EXT1: variants seen among roughly 807,000 people sequenced by gnomAD.
The protein encoded by EXT1 is exostosin glycosyltransferase 1.
In EXT1, 20 loss-of-function variants were observed where a neutral mutation model predicts 82.5. The observed-to-expected ratio is 0.24, with a 90% CI of 0.17 to 0.35. The LOEUF (loss-of-function observed/expected upper bound fraction) is 0.35, where lower values mean the gene tolerates loss of function less well. Among genes scored for constraint, EXT1 ranks in the 10% least tolerant of loss-of-function variants. The pLI is 1.00. For synonymous variants in EXT1, 348 were observed against 350.8 expected (o/e 0.99, Z 0.09); for missense variants, 757 against 936.5 (o/e 0.81, Z 2.50).
chr8:117,880,876 C>G (rs1375310139), intron 1 of EXT1, among the ~76,000 whole-genome samples: 2 of 152,176 alleles, frequency 1.3e-5, no homozygotes, highest in African/African-American at 4.8e-5. Flanking sequence ...CAGGTGTGAG[C>G]CACCGTGCCC....
At chr8:117,873,881 T>C (rs1357092478) in intron 1 of EXT1, among the ~76,000 whole-genome samples, 2 of 152,270 alleles carry the variant, frequency 1.3e-5, no homozygotes, top group African/African-American at 4.8e-5. Flanking sequence ...TTGGTATTTC[T>C]AGTTTGTTTG....
At position 117,830,332 on chromosome 8, in the gene EXT1, C is replaced by T. The variant is rs1563573755; in HGVS notation, c.1182G>A (p.Arg394=). The stretch of plus-strand genomic sequence containing the variant: ...CTAGGATTTTATCCTGATGAATAGA[C>T]CTGATTGTAGAAGGAATCTGTAACA... ...RLLLQIPSTI[R]SIHQDKILAL... is the part of the protein sequence containing the mutation. Residue 394 remains arginine, a synonymous_variant, in exon 4 of 11, where the codon AGG becomes AGA. Coordinates refer to ENST00000378204, the MANE Select transcript of EXT1 (RefSeq NM_000127.3). 3 of 1,613,966 alleles carry T rather than the reference C, an allele frequency of 1.9e-6. No individual in the cohort carries two copies. The highest frequency in any genetic ancestry group is 1.1e-5 in the South Asian group (1 of 91,080).
intron 1 of EXT1, among the ~76,000 whole-genome samples, chr8:118,029,032 G>A (rs1384642285): frequency 6.6e-6 from 1 of 152,162 alleles, no homozygotes; most frequent in Non-Finnish European, 1.5e-5. Flanking sequence ...TGATTGTCTA[G>A]TTAGGCAGTA....
intron 1 of EXT1, among the ~76,000 whole-genome samples, chr8:117,938,912 GCA>G (rs1814219914): frequency 6.6e-6 from 1 of 152,158 alleles, no homozygotes. Flanking sequence ...CTCCATCCTA[GCA>G]CACATTCACT....
chr8:118,054,954 A>ATG (rs570920589), intron 1 of EXT1, among the ~76,000 whole-genome samples: 2,910 of 118,444 alleles, frequency 0.025, 96 homozygotes, highest in African/African-American at 0.086. Flanking sequence ...CTGTATGTAT[A>ATG]TGTATATATA....
chr8:117,921,638 C>G (rs994700072), intron 1 of EXT1, among the ~76,000 whole-genome samples: 44 of 152,200 alleles, frequency 2.9e-4, no homozygotes, highest in African/African-American at 7.5e-4. Flanking sequence ...TTTCCATGAT[C>G]TAAATCAAAC....
intron 1 of EXT1, among the ~76,000 whole-genome samples, chr8:118,028,721 G>A (rs1816247111): frequency 6.6e-6 from 1 of 152,102 alleles, no homozygotes; most frequent in Non-Finnish European, 1.5e-5. Flanking sequence ...CCTGATGTCA[G>A]GAGTTAGAGA....
chr8:117,951,232 A>G (rs888185734), intron 1 of EXT1, among the ~76,000 whole-genome samples: 1 of 152,170 alleles, frequency 6.6e-6, no homozygotes, highest in African/African-American at 2.4e-5. Flanking sequence ...TAGGAATGGA[A>G]GTCTTTCTGA....
At chr8:117,829,132 C>G (rs762761615) in intron 4 of EXT1, among the ~76,000 whole-genome samples, 1 of 152,144 alleles carries the variant, frequency 6.6e-6, no homozygotes, top group South Asian at 2.1e-4. Context: ...ATCACCTCAA[C>G]GAAGATCTCT....
chr8:117,865,728 A>G (rs1812765306), intron 1 of EXT1, among the ~76,000 whole-genome samples: 1 of 152,222 alleles, frequency 6.6e-6, no homozygotes, highest in Non-Finnish European at 1.5e-5. Context: ...AATCGTATAA[A>G]TCGTGTAAAT....
intron 1 of EXT1, among the ~76,000 whole-genome samples, chr8:118,001,977 C>T (rs1304077517): frequency 6.6e-6 from 1 of 152,164 alleles, no homozygotes; most frequent in Non-Finnish European, 1.5e-5. Context: ...TTCTTGCAAA[C>T]TTATCAAAAG....
At position 117,830,439 on chromosome 8, in the gene EXT1, T is replaced by A. The variant is rs1446977123; in HGVS notation, c.1165-90A>T. On this transcript the variant is annotated intron_variant, in intron 3 of 10. Transcript: ENST00000378204. Reference sequence around the variant, plus strand: ...TAACCCAACTGGGTTAGGCTTTTATTCTTCATAGCATTTGGCTTCTAGCAT... The same window carrying A: ...TAACCCAACTGGGTTAGGCTTTTATACTTCATAGCATTTGGCTTCTAGCAT... The A allele has an allele frequency of 2.8e-6, 4 of 1,449,568 alleles. No individual in the cohort carries two copies. The Admixed American group carries it at 7.5e-5, about 27-fold the overall frequency. 89.8% of individuals were successfully genotyped at this position (1,449,568 alleles called of 1,614,324 possible).
At chr8:118,010,292 A>G (rs1384860116) in intron 1 of EXT1, among the ~76,000 whole-genome samples, 1 of 148,998 alleles carries the variant, frequency 6.7e-6, no homozygotes, top group African/African-American at 2.5e-5. Flanking sequence ...GAATGGAGTG[A>G]TCCCGGGAGA....
Position 118,110,629 on chromosome 8 carries a change from C to G in EXT1, c.418G>C (p.Gly140Arg). The change falls in exon 1 of 11, where the codon GGC becomes CGC. Residue 140 changes from glycine (G) to arginine (R), a missense_variant. By Grantham distance (125) the Gly-to-Arg change is moderately radical. This residue lies in a region of EXT1 where 247 missense variants were observed against 330.1 expected (regional missense o/e 0.75). Coordinates refer to ENST00000378204, the MANE Select transcript of EXT1 (RefSeq NM_000127.3). ...SYQNILAAIEGSRFYTSDPSQ... is the reference protein window; with the variant it reads ...SYQNILAAIERSRFYTSDPSQ... The stretch of plus-strand genomic sequence containing the variant: ...GGGTCCGAGGTGTAGAACCTGGAGC[C>G]CTCGATGGCCGCTAGAATGTTTTGG... 1 of 1,614,098 alleles carries G rather than the reference C, an allele frequency of 6.2e-7. No individual in the cohort carries two copies. The highest frequency in any genetic ancestry group is 8.5e-7 in the Non-Finnish European group (1 of 1,180,012).
chr8:118,067,975 C>T (rs1817020899), intron 1 of EXT1, among the ~76,000 whole-genome samples: 1 of 152,186 alleles, frequency 6.6e-6, no homozygotes. Context: ...AGAGCATTTG[C>T]AATATTAGTA....
chr8:117,873,604 T>C (rs1563587188), intron 1 of EXT1, among the ~76,000 whole-genome samples: 1 of 151,978 alleles, frequency 6.6e-6, no homozygotes. Flanking sequence ...TACAGGTGCA[T>C]GCCACCACGC....
At chr8:118,045,448 A>G (rs573020023) in intron 1 of EXT1, among the ~76,000 whole-genome samples, 2 of 152,122 alleles carry the variant, frequency 1.3e-5, no homozygotes, top group Non-Finnish European at 2.9e-5. Flanking sequence ...AAACCAGTAA[A>G]AGTTAGATAT....
At chr8:118,009,414 G>A (rs898979705) in intron 1 of EXT1, among the ~76,000 whole-genome samples, 1 of 152,170 alleles carries the variant, frequency 6.6e-6, no homozygotes, top group Non-Finnish European at 1.5e-5. Context: ...AATCCACAGA[G>A]GGAAAGTTGA....
intron 1 of EXT1, among the ~76,000 whole-genome samples, chr8:117,970,668 CT>C (rs1814920801): frequency 6.6e-6 from 1 of 152,176 alleles, no homozygotes; most frequent in Non-Finnish European, 1.5e-5. Flanking sequence ...ATGGACCACA[CT>C]TTGAGCATAG....
Sources: gnomAD v4.1 joint callset for allele counts (sites outside exome capture counted in the v4.1 genomes callset) on GRCh38, gnomAD v4.1.1 for gene constraint, gnomAD v4.1.1 regional missense constraint, MANE v1.5 for transcripts, NCBI Gene and HGNC (gene_info 2026-07-23, HGNC 2026-07-21) for gene names.